Variants in CREB3L4 observed in about 807,000 individuals in gnomAD.
The protein encoded by CREB3L4 is cAMP responsive element binding protein 3 like 4.
In CREB3L4, 28 loss-of-function variants were observed where a neutral mutation model predicts 37.0. That is an observed-to-expected ratio of 0.76 (90% CI 0.56 to 1.04). The LOEUF is 1.04. Among genes scored for constraint, CREB3L4 ranks in the 50% least tolerant of loss-of-function variants. The pLI, the probability that CREB3L4 is intolerant of heterozygous loss-of-function variation, is 0.00. For missense variants in CREB3L4, 462 were observed against 486.0 expected (o/e 0.95, Z 0.46); for synonymous variants, 175 against 192.2 (o/e 0.91, Z 0.74).
intron 5 of CREB3L4, 26 bp from the exon 6 acceptor site, chr1:153,972,946 G>C: frequency 6.2e-7 from 1 of 1,610,582 alleles, no homozygotes; most frequent in Non-Finnish European, 8.5e-7. Context: ...GAAGGACCCA[G>C]GACTCACACA....
At chr1:153,968,264 G>T in intron 1 of CREB3L4, 100 bp downstream of exon 1, 1 of 363,618 alleles carries the variant, frequency 2.8e-6, no homozygotes, top group South Asian at 5.2e-5. Context: ...TGTTTGGGGA[G>T]GTCAACGGGC....
chr1:153,970,739 CTT>C (rs35553007), intron 4 of CREB3L4, among the ~76,000 whole-genome samples: 10 of 87,164 alleles, frequency 1.1e-4, no homozygotes, highest in Admixed American at 1.4e-4. Flanking sequence ...ATCTTAGAAT[CTT>C]TTTTTTTTTT....
In CREB3L4 at chr1:153,974,197, G is replaced by A. The variant is rs1402461314; in HGVS notation, c.*132G>A. 5 of 768,130 alleles carry A rather than the reference G, an allele frequency of 6.5e-6. No individual in the cohort carries two copies. The Admixed American group carries it at 8.6e-5, about 13-fold the overall frequency. 47.6% of individuals were successfully genotyped at this position (768,130 alleles called of 1,614,324 possible). On this transcript the variant is annotated 3_prime_UTR_variant, in exon 10 of 10. Transcript: ENST00000368607. ...TCCAAATCACTTCAGGACACCCCAA[G>A]AGATGTCCTTTAGTCTCTGCCTGAG... is the stretch of plus-strand genomic sequence containing the variant.
At position 153,973,864 on chromosome 1, in the gene CREB3L4, C is replaced by T. The variant is rs753392378; in HGVS notation, c.995-8C>T. 6.2e-7 allele frequency: 1 copy of T among 1,613,600 alleles called. No homozygotes were observed. Among genetic ancestry groups the T allele is most frequent in the Non-Finnish European group, 8.5e-7 (1 of 1,179,698 alleles). On this transcript the variant is annotated splice_region_variant and splice_polypyrimidine_tract_variant and intron_variant, in intron 9 of 9. Coordinates refer to ENST00000368607, the MANE Select transcript of CREB3L4 (RefSeq NM_001255978.2). ...CTCTACTACTGCCCTCTTGCCTTCA[C>T]CTCACAGTGACTTCCAGAAATATCC...
intron 4 of CREB3L4, 43 bp from the exon 5 acceptor site, chr1:153,972,701 C>A: frequency 6.6e-7 from 1 of 1,522,798 alleles, no homozygotes; most frequent in Non-Finnish European, 9.1e-7. Flanking sequence ...TGGGATGACC[C>A]CCTCCTCACT....
rs770990694 is a variant in CREB3L4 at position 153,973,952 on chromosome 1, C to T, written c.1075C>T (p.Pro359Ser). 8 of 1,614,134 alleles carry T rather than the reference C, an allele frequency of 5.0e-6. No individual in the cohort carries two copies. Among genetic ancestry groups the T allele is most frequent in the Non-Finnish European group, 5.9e-6 (7 of 1,179,992 alleles). ...TQVVESRLRE[P>S]PGAKDANGST... Reference sequence around the variant, plus strand: ...AGTGGTAGAGTCCAGACTGAGGGAGCCACCTGGAGCCAAGGATGCAAATGG... The same window carrying T: ...AGTGGTAGAGTCCAGACTGAGGGAGTCACCTGGAGCCAAGGATGCAAATGG... Residue 359 changes from proline (P) to serine (S), a missense_variant, in exon 10 of 10, where the codon CCA (proline) becomes TCA (serine). Coordinates refer to ENST00000368607, the MANE Select transcript of CREB3L4 (RefSeq NM_001255978.2).
upstream of CREB3L4, chr1:153,967,508 G>C (rs937055598): frequency 6.6e-6 from 1 of 152,174 alleles, no homozygotes; most frequent in Non-Finnish European, 1.5e-5. Context: ...CCCGCCGGCC[G>C]GACGCAGTGG....
rs143383000 is a variant in CREB3L4, at chr1:153,968,328, C to G, written c.-5+164C>G. ...CAGAACAGGTAATGCTTGGGGGGGG[C>G]CTCTTTGTCTAAACCTGAGGGATAG... is the stretch of plus-strand genomic sequence containing the variant. On this transcript the variant is annotated intron_variant, in intron 1 of 9. Coordinates refer to ENST00000368607, the MANE Select transcript of CREB3L4 (RefSeq NM_001255978.2). 6.4e-4 allele frequency: 346 copies of G among 544,074 alleles called. 1 individual carries two copies. The highest frequency in any genetic ancestry group is 6.0e-3 in the African/African-American group (301 of 49,868). The allele number at this position is 544,074 out of a possible 1,614,324, so 33.7% of individuals were successfully genotyped here. A position where few individuals can be genotyped will look rare whatever the true frequency, so the allele number is the denominator to read the frequency against.
At position 153,973,419 on chromosome 1, in the gene CREB3L4, T is replaced by C. The variant is rs1283443532; in HGVS notation, c.852T>C (p.Ile284=). The change falls in exon 8 of 10, where the codon ATT becomes ATC. Residue 284 remains isoleucine (I), a synonymous_variant. Transcript: ENST00000368607. ...AGCTCCGCCAGCTGCAGACGCTAATTGCTCAAACTTCCAACAAAGCTGCCC... is the reference window on the plus strand; with the variant it reads ...AGCTCCGCCAGCTGCAGACGCTAATCGCTCAAACTTCCAACAAAGCTGCCC... ...VAQLRQLQTL[I]AQTSNKAAQT... 2 of 1,614,108 alleles carry C rather than the reference T, an allele frequency of 1.2e-6. No individual in the cohort carries two copies. Among genetic ancestry groups the C allele is most frequent in the East Asian group, 2.2e-5 (1 of 44,878 alleles).
intron 4 of CREB3L4, 154 bp downstream of exon 4, chr1:153,969,609 T>G (rs78314980): frequency 0.039 from 31,322 of 801,696 alleles, 874 homozygotes; most frequent in Non-Finnish European, 0.048. Flanking sequence ...CATGAACAGT[T>G]GAACTATTTT....
chr1:153,973,587 C>CT (rs1648621958), intron 8 of CREB3L4, 33 bp from the exon 9 acceptor site: 3 of 1,590,706 alleles, frequency 1.9e-6, no homozygotes, highest in Non-Finnish European at 2.6e-6. Context: ...CTACCCCCTG[C>CT]TCCCTTCATC....
In CREB3L4 at chr1:153,969,083, C is replaced by G; in HGVS notation, c.328C>G (p.Pro110Ala). 1 of 1,614,194 alleles carries G rather than the reference C, an allele frequency of 6.2e-7. No individual in the cohort carries two copies. Among genetic ancestry groups the G allele is most frequent in the Middle Eastern group, 1.6e-4 (1 of 6,062 alleles). Residue 110 changes from proline to alanine, a missense_variant, in exon 3 of 10, where the codon CCT becomes GCT. Pro to Ala is a conservative substitution (Grantham distance 27). Coordinates refer to ENST00000368607, the MANE Select transcript of CREB3L4 (RefSeq NM_001255978.2). Reference sequence around the variant, plus strand: ...CCCTGCCCCCAGGGCAACCAGTTCTCCTATGCTCTATGAGGTTGTCTATGA... The same window carrying G: ...CCCTGCCCCCAGGGCAACCAGTTCTGCTATGCTCTATGAGGTTGTCTATGA... The part of the protein sequence containing the change: ...SPPAPRATSS[P>A]MLYEVVYEAG...
At position 153,973,866 on chromosome 1, in the gene CREB3L4, TCA is replaced by T. The variant is rs1339174696; in HGVS notation, c.995-3_995-2del. 6.2e-7 allele frequency: 1 copy of T among 1,613,606 alleles called. No individual in the cohort carries two copies. The highest frequency in any genetic ancestry group is 1.3e-5 in the African/African-American group (1 of 74,902). ...CTACTACTGCCCTCTTGCCTTCACC[TCA>T]CAGTGACTTCCAGAAATATCCTGAC... On this transcript the variant is annotated splice_polypyrimidine_tract_variant and splice_region_variant and intron_variant, in intron 9 of 9. Transcript: ENST00000368607.
chr1:153,971,070 C>G (rs1458125905), intron 4 of CREB3L4, among the ~76,000 whole-genome samples: 1 of 109,890 alleles, frequency 9.1e-6, no homozygotes, highest in Non-Finnish European at 1.9e-5. Context: ...AGCTGAGGAA[C>G]CTTTAAAAGT....
chr1:153,973,801 G>C, intron 9 of CREB3L4, 71 bp from the exon 10 acceptor site: 1 of 1,563,472 alleles, frequency 6.4e-7, no homozygotes, highest in Non-Finnish European at 8.8e-7. Context: ...GCAAGAGGGA[G>C]GTCCTGTCCT....
Position 153,967,918 on chromosome 1 carries a change from C to G in CREB3L4, c.-251C>G, listed in dbSNP as rs1201287499. On this transcript the variant is annotated 5_prime_UTR_variant, in exon 1 of 10. Coordinates refer to ENST00000368607, the MANE Select transcript of CREB3L4 (RefSeq NM_001255978.2). ...ACTCTTTCCGCCTTTGTTTACAACCCTGCCATGATCTCCCTCTTGCAAAAG... is the reference window on the plus strand; with the variant it reads ...ACTCTTTCCGCCTTTGTTTACAACCGTGCCATGATCTCCCTCTTGCAAAAG... 6.6e-6 allele frequency: 1 copy of G among 152,254 alleles called. No individual in the cohort carries two copies. The highest frequency in any genetic ancestry group is 1.5e-5 in the Non-Finnish European group (1 of 68,100). The allele number at this position is 152,254 out of a possible 1,614,324, so 9.4% of individuals were successfully genotyped here.
At position 153,974,180 on chromosome 1, in the gene CREB3L4, A is replaced by C; in HGVS notation, c.*115A>C. On this transcript the variant is annotated 3_prime_UTR_variant, in exon 10 of 10. Coordinates refer to ENST00000368607, the MANE Select transcript of CREB3L4 (RefSeq NM_001255978.2). ...GTGTCTGCCCTCAGGGGTCCAAATC[A>C]CTTCAGGACACCCCAAGAGATGTCC... 1.1e-6 allele frequency: 1 copy of C among 898,642 alleles called. No homozygotes were observed. Among genetic ancestry groups the C allele is most frequent in the South Asian group, 1.7e-5 (1 of 59,416 alleles). 55.7% of individuals were successfully genotyped at this position (898,642 alleles called of 1,614,324 possible).
At position 153,968,547 on chromosome 1, in the gene CREB3L4, C is replaced by T; in HGVS notation, c.22C>T (p.Leu8=). The change falls in exon 2 of 10, where the codon CTG becomes TTG. Residue 8 remains leucine (L), a synonymous_variant. Transcript: ENST00000368607. ...AAGCATGGATCTCGGAATCCCTGACCTGCTGGACGCGTGGCTGGAGCCCCC... is the reference window on the plus strand; with the variant it reads ...AAGCATGGATCTCGGAATCCCTGACTTGCTGGACGCGTGGCTGGAGCCCCC... MDLGIPD[L]LDAWLEPPED... The T allele has an allele frequency of 6.2e-7, 1 of 1,613,916 alleles. No individual in the cohort carries two copies. The highest frequency in any genetic ancestry group is 8.5e-7 in the Non-Finnish European group (1 of 1,179,916).
chr1:153,969,447 A>G lies in CREB3L4; in HGVS notation c.535A>G (p.Thr179Ala). Residue 179 changes from threonine (T) to alanine (A), a missense_variant, in exon 4 of 10, where the codon ACA becomes GCA. Thr to Ala is a moderately conservative substitution (Grantham distance 58, BLOSUM62 0). Coordinates refer to ENST00000368607, the MANE Select transcript of CREB3L4 (RefSeq NM_001255978.2). ...AGGCACCGTAGCCCCAGTGCCCTGT[A>G]CAACCCTGGTGAGTCTTGGTGTCAG... is the stretch of plus-strand genomic sequence containing the variant. ...RAGTVAPVPC[T>A]TLLPCQTLFL... 6.2e-7 allele frequency: 1 copy of G among 1,614,042 alleles called. No homozygotes were observed.
Sources: allele counts gnomAD v4.1 joint callset (sites outside exome capture counted in the v4.1 genomes callset), GRCh38; gene constraint gnomAD v4.1.1; transcripts MANE v1.5; gene names NCBI Gene and HGNC (gene_info 2026-07-23, HGNC 2026-07-21).